Variants in SLC39A11 observed in about 807,000 individuals in gnomAD.
SLC39A11 encodes zinc transporter ZIP11.
A neutral mutation model predicts 36.1 loss-of-function variants in SLC39A11; 33 were observed. The ratio of observed to expected loss-of-function variants is 0.91; its 90% CI spans 0.69 to 1.22. The LOEUF (loss-of-function observed/expected upper bound fraction) is 1.22, where lower values mean the gene tolerates loss of function less well. Ranked by LOEUF, SLC39A11 falls within the 50% of genes most tolerant of loss-of-function variation. The probability of loss-of-function intolerance (pLI) is 0.00; values close to 1 mark genes in which losing one functional copy is unlikely to be tolerated. For synonymous variants in SLC39A11, 166 were observed against 170.3 expected (o/e 0.97, Z 0.20); for missense variants, 432 against 430.3 (o/e 1.00, Z -0.03).
At chr17:72,777,828 T>C (rs767284874) in intron 6 of SLC39A11, among the ~76,000 whole-genome samples, 7 of 152,108 alleles carry the variant, frequency 4.6e-5, no homozygotes, top group Non-Finnish European at 1.0e-4. Context: ...AGACAGGCAC[T>C]ATGCTTTACG....
intron 4 of SLC39A11, among the ~76,000 whole-genome samples, chr17:72,966,505 G>A (rs551859351): frequency 1.1e-4 from 16 of 152,228 alleles, no homozygotes; most frequent in South Asian, 6.2e-4. Context: ...AAACCGGGCC[G>A]CACATCAGGA....
chr17:72,924,845 T>C (rs2083937698), intron 5 of SLC39A11, among the ~76,000 whole-genome samples: 1 of 151,636 alleles, frequency 6.6e-6, no homozygotes, highest in African/African-American at 2.4e-5. Flanking sequence ...CTACTACAAA[T>C]ACAAAAATTA....
At chr17:72,803,917 G>A (rs527869313) in intron 6 of SLC39A11, among the ~76,000 whole-genome samples, 1 of 148,658 alleles carries the variant, frequency 6.7e-6, no homozygotes, top group African/African-American at 2.5e-5. Context: ...TTCCACACAA[G>A]ACAAACTCTT....
At chr17:72,829,901 A>T (rs1213288854) in intron 6 of SLC39A11, among the ~76,000 whole-genome samples, 1 of 152,114 alleles carries the variant, frequency 6.6e-6, no homozygotes, top group African/African-American at 2.4e-5. Flanking sequence ...TCAGTAAAGG[A>T]ACAGAACTGA....
At chr17:72,745,085 G>T (rs531249620) in intron 6 of SLC39A11, among the ~76,000 whole-genome samples, 1 of 152,316 alleles carries the variant, frequency 6.6e-6, no homozygotes, top group Non-Finnish European at 1.5e-5. Context: ...CAAGCGATCT[G>T]CCTGCCTCGG....
Position 72,990,743 on chromosome 17 carries a change from T to C in SLC39A11, c.306+40813A>G, listed in dbSNP as rs149284195. Among the ~76,000 whole-genome samples, 336 of 152,258 alleles carry C rather than the reference T, an allele frequency of 2.2e-3. 4 individuals are homozygous for C. The highest frequency in any genetic ancestry group is 7.3e-3 in the African/African-American group (304 of 41,550). On this transcript the variant is annotated intron_variant, in intron 4 of 9. Coordinates refer to ENST00000255559, the MANE Select transcript of SLC39A11 (RefSeq NM_139177.4). ...GTGCCTGTCCCATATCAGGATTTTC[T>C]AATAATTCTCCCCGACCAACACACA...
intron 3 of SLC39A11, among the ~76,000 whole-genome samples, chr17:73,059,716 T>G (rs1345291881): frequency 6.7e-6 from 1 of 148,808 alleles, no homozygotes. Flanking sequence ...AAAAAAAAGA[T>G]ATGTTTTTGT....
In SLC39A11 at chr17:73,082,724, T is replaced by C. The variant is rs1371818897; in HGVS notation, c.147+2084A>G. 2.3e-4 allele frequency among the ~76,000 whole-genome samples: 35 copies of C among 152,060 alleles called. 1 individual carries two copies. Among genetic ancestry groups the C allele is most frequent in the Admixed American group, 2.3e-3 (35 of 15,262 alleles). On this transcript the variant is annotated intron_variant, in intron 3 of 9. Coordinates refer to ENST00000255559, the MANE Select transcript of SLC39A11 (RefSeq NM_139177.4). ...GATCACATCAGAACTGCTAAAGGAA[T>C]TGTGGGCCGGGCATGGTGGCTCACA...
At chr17:72,928,237 G>A (rs1373831179) in intron 5 of SLC39A11, among the ~76,000 whole-genome samples, 1 of 152,206 alleles carries the variant, frequency 6.6e-6, no homozygotes, top group Non-Finnish European at 1.5e-5. Context: ...TGAAGGCAGA[G>A]ACCAAGTTCA....
intron 4 of SLC39A11, among the ~76,000 whole-genome samples, chr17:73,022,253 G>A (rs1319178575): frequency 2.0e-5 from 3 of 152,208 alleles, no homozygotes; most frequent in East Asian, 1.9e-4. Context: ...ACCTAAATGC[G>A]CACTTGCAGG....
At chr17:72,952,771 T>G (rs2085959375) in intron 4 of SLC39A11, among the ~76,000 whole-genome samples, 1 of 152,206 alleles carries the variant, frequency 6.6e-6, no homozygotes, top group African/African-American at 2.4e-5. Context: ...GCGAGCGTGA[T>G]CCTTCTTAGG....
At chr17:72,867,967 T>G (rs150393822) in intron 5 of SLC39A11, among the ~76,000 whole-genome samples, 86 of 152,328 alleles carry the variant, frequency 5.6e-4, no homozygotes, top group African/African-American at 2.0e-3. Flanking sequence ...AATCAGAAAC[T>G]GCCAACTAAC....
intron 6 of SLC39A11, among the ~76,000 whole-genome samples, chr17:72,832,057 C>A (rs1035024987): frequency 7.2e-5 from 11 of 152,184 alleles, no homozygotes; most frequent in African/African-American, 2.7e-4. Context: ...ATATGACAAA[C>A]CTTGGTACAA....
At chr17:72,715,434 A>T (rs995870163) in intron 7 of SLC39A11, among the ~76,000 whole-genome samples, 3 of 152,318 alleles carry the variant, frequency 2.0e-5, no homozygotes, top group Non-Finnish European at 2.9e-5. Context: ...AAACAAAATG[A>T]TGCATCCGTG....
chr17:72,951,569 A>G (rs777838309), intron 4 of SLC39A11, among the ~76,000 whole-genome samples: 2 of 152,198 alleles, frequency 1.3e-5, no homozygotes, highest in Non-Finnish European at 2.9e-5. Flanking sequence ...CGAGAGACAG[A>G]TGATAATAAA....
At chr17:72,765,841 C>T (rs992353456) in intron 6 of SLC39A11, among the ~76,000 whole-genome samples, 1 of 152,198 alleles carries the variant, frequency 6.6e-6, no homozygotes, top group Non-Finnish European at 1.5e-5. Flanking sequence ...TGACTTATAA[C>T]TTGGCCCAAT....
At chr17:72,670,762 C>G (rs181219158) in intron 7 of SLC39A11, among the ~76,000 whole-genome samples, 1 of 152,106 alleles carries the variant, frequency 6.6e-6, no homozygotes, top group Non-Finnish European at 1.5e-5. Flanking sequence ...TTTGACATGG[C>G]CTTTTGGAAA....
chr17:72,706,394 G>A (rs2143188299), intron 7 of SLC39A11, among the ~76,000 whole-genome samples: 1 of 152,284 alleles, frequency 6.6e-6, no homozygotes, highest in Non-Finnish European at 1.5e-5. Context: ...CAGGATTCCT[G>A]ATGGAATGCC....
chr17:72,738,424 C>T (rs747574195), intron 6 of SLC39A11, among the ~76,000 whole-genome samples: 2 of 152,106 alleles, frequency 1.3e-5, no homozygotes, highest in Non-Finnish European at 2.9e-5. Flanking sequence ...GAGTGTGCAG[C>T]GTGGGGCTAG....
Sources: allele counts gnomAD v4.1 joint callset (sites outside exome capture counted in the v4.1 genomes callset), GRCh38; gene constraint gnomAD v4.1.1; transcripts MANE v1.5; gene names NCBI Gene and HGNC (gene_info 2026-07-23, HGNC 2026-07-21).